HSF2BP: variants seen among roughly 807,000 people sequenced by gnomAD.
The protein encoded by HSF2BP is heat shock transcription factor 2 binding protein.
HSF2BP carries 35 observed loss-of-function variants against 35.0 expected under a neutral mutation model. That is an observed-to-expected ratio of 1.00 (90% CI 0.76 to 1.32). The LOEUF (loss-of-function observed/expected upper bound fraction) is 1.32, where lower values mean the gene tolerates loss of function less well. HSF2BP is among the 40% of genes most tolerant of loss of function. The pLI is 0.00. For synonymous variants in HSF2BP, 114 were observed against 117.4 expected, an observed-to-expected ratio of 0.97 and a Z score of 0.18; for missense variants, 326 against 321.7, an observed-to-expected ratio of 1.01 and a Z score of -0.10.
At position 43,656,643 on chromosome 21, in the gene HSF2BP, C is replaced by G; in HGVS notation, c.131G>C (p.Arg44Thr). ...EVMQIRDFLP[R>T]ILNGEVLESF... ...CTCCAGCACCTCCCCATTTAGTATT[C>G]TGGGTAAGAAGTCCCGTATTTGCAT... The change falls in exon 3 of 9, where the codon AGA (arginine) becomes ACA (threonine). Residue 44 changes from arginine (R) to threonine (T), a missense_variant. By Grantham distance (71) the Arg-to-Thr change is moderately conservative. Transcript: ENST00000291560. 6.2e-7 allele frequency: 1 copy of G among 1,613,916 alleles called. No individual in the cohort carries two copies. The highest frequency in any genetic ancestry group is 8.5e-7 in the Non-Finnish European group (1 of 1,179,918).
chr21:43,648,462 G>C (rs556060925), intron 3 of HSF2BP, among the ~76,000 whole-genome samples: 1 of 152,276 alleles, frequency 6.6e-6, no homozygotes, highest in South Asian at 2.1e-4. Context: ...TCAGCCCAGG[G>C]GAGGCAATGG....
At chr21:43,639,011 T>C (rs1024106873) in intron 4 of HSF2BP, among the ~76,000 whole-genome samples, 1 of 152,180 alleles carries the variant, frequency 6.6e-6, no homozygotes, top group Non-Finnish European at 1.5e-5. Flanking sequence ...ATGACTGAAT[T>C]TTGACAATGG....
intron 3 of HSF2BP, among the ~76,000 whole-genome samples, chr21:43,646,583 T>C (rs1454763556): frequency 1.3e-5 from 2 of 152,252 alleles, no homozygotes; most frequent in Non-Finnish European, 2.9e-5. Flanking sequence ...CCTTATCATG[T>C]GTAAAAACCT....
chr21:43,574,840 G>A (rs997650182), intron 8 of HSF2BP, among the ~76,000 whole-genome samples: 3 of 139,538 alleles, frequency 2.1e-5, no homozygotes, highest in African/African-American at 3.4e-5. Flanking sequence ...TCCTTGGGAC[G>A]GGGGTGCCGT....
chr21:43,637,807 GA>G (rs58493445), intron 4 of HSF2BP, among the ~76,000 whole-genome samples: 22 of 144,572 alleles, frequency 1.5e-4, no homozygotes, highest in South Asian at 2.2e-4. Flanking sequence ...CCTGTCTCTG[GA>G]AAAAAAAAAA....
intron 4 of HSF2BP, among the ~76,000 whole-genome samples, chr21:43,635,876 C>T (rs1465584670): frequency 1.3e-5 from 2 of 148,890 alleles, no homozygotes; most frequent in South Asian, 2.1e-4. Flanking sequence ...CTGCAGTGAG[C>T]CGAGATCGTG....
chr21:43,656,738 C>G lies in HSF2BP; in HGVS notation c.37-1G>C. 2 of 1,608,154 alleles carry G rather than the reference C, an allele frequency of 1.2e-6. No homozygotes were observed. Among genetic ancestry groups the G allele is most frequent in the Non-Finnish European group, 8.5e-7 (1 of 1,178,266 alleles). On this transcript the variant is annotated splice_acceptor_variant, in intron 2 of 8. Transcript: ENST00000291560. LOFTEE classifies it high-confidence loss of function. ...CAAATTCCTCTTTAGTTCCCATGTG[C>G]TAAAAGAACAAGCAGATCTTATTAT...
At chr21:43,613,686 C>A (rs983749079) in intron 7 of HSF2BP, 144 bp downstream of exon 7, 1 of 655,646 alleles carries the variant, frequency 1.5e-6, no homozygotes, top group South Asian at 1.8e-5. Flanking sequence ...AGACAGTGCA[C>A]GCCCTTAACT....
At chr21:43,640,800 C>CAA (rs773035962) in intron 4 of HSF2BP, among the ~76,000 whole-genome samples, 3 of 134,212 alleles carry the variant, frequency 2.2e-5, no homozygotes, top group African/African-American at 8.1e-5. Flanking sequence ...AAATTTTAAC[C>CAA]AAAAAAAAAA....
At chr21:43,600,896 T>G (rs1312197341) in intron 7 of HSF2BP, among the ~76,000 whole-genome samples, 1 of 152,192 alleles carries the variant, frequency 6.6e-6, no homozygotes, top group Non-Finnish European at 1.5e-5. Context: ...GAATCTTTTT[T>G]CTTTGCACGT....
At chr21:43,585,219 G>A (rs548230969) in intron 8 of HSF2BP, among the ~76,000 whole-genome samples, 1 of 152,262 alleles carries the variant, frequency 6.6e-6, no homozygotes, top group African/African-American at 2.4e-5. Context: ...GCTGGAGCAG[G>A]AGGATCCCAT....
At chr21:43,632,286 A>C in intron 5 of HSF2BP, among the ~76,000 whole-genome samples, 1 of 55,922 alleles carries the variant, frequency 1.8e-5, no homozygotes, top group Non-Finnish European at 3.2e-5. Flanking sequence ...CCACACACAC[A>C]CACAGGCTCC....
intron 7 of HSF2BP, among the ~76,000 whole-genome samples, chr21:43,592,551 T>A (rs1317591259): frequency 6.6e-6 from 1 of 152,206 alleles, no homozygotes; most frequent in Non-Finnish European, 1.5e-5. Context: ...TAGCCTCACA[T>A]AATCAAGAGT....
chr21:43,589,520 T>G (rs1292019171), intron 8 of HSF2BP, among the ~76,000 whole-genome samples: 1 of 152,168 alleles, frequency 6.6e-6, no homozygotes. Flanking sequence ...ATTTTTAAAT[T>G]CATATGGAAA....
At chr21:43,588,416 A>G (rs1360480831) in intron 8 of HSF2BP, among the ~76,000 whole-genome samples, 1 of 152,008 alleles carries the variant, frequency 6.6e-6, no homozygotes, top group African/African-American at 2.4e-5. Context: ...GTCATCCAGC[A>G]CTAAGGCTTC....
intron 8 of HSF2BP, among the ~76,000 whole-genome samples, chr21:43,585,786 C>A (rs2081842543): frequency 6.6e-6 from 1 of 152,152 alleles, no homozygotes; most frequent in Non-Finnish European, 1.5e-5. Context: ...TCAAGAATCA[C>A]TCGAAGGTTT....
intron 7 of HSF2BP, among the ~76,000 whole-genome samples, chr21:43,604,746 TCACACACCATA>T (rs2082106689): frequency 2.4e-5 from 2 of 82,698 alleles, no homozygotes; most frequent in African/African-American, 4.9e-5. Flanking sequence ...CACACACCAC[TCACACACCATA>T]CGCACACCAC....
intron 7 of HSF2BP, among the ~76,000 whole-genome samples, chr21:43,598,481 C>G (rs558687310): frequency 6.6e-6 from 1 of 151,874 alleles, no homozygotes; most frequent in Non-Finnish European, 1.5e-5. Context: ...CTTGGCTTCC[C>G]AAAGTGCTGG....
At chr21:43,611,064 C>T (rs748604921) in intron 7 of HSF2BP, among the ~76,000 whole-genome samples, 8 of 151,924 alleles carry the variant, frequency 5.3e-5, no homozygotes, top group Non-Finnish European at 1.0e-4. Flanking sequence ...GGAGAGACCC[C>T]GTCTCTACAA....
Sources: gnomAD v4.1 joint callset for allele counts (sites outside exome capture counted in the v4.1 genomes callset) on GRCh38, gnomAD v4.1.1 for gene constraint, MANE v1.5 for transcripts, NCBI Gene and HGNC (gene_info 2026-07-23, HGNC 2026-07-21) for gene names.